CLNK: variants seen among roughly 807,000 people sequenced by gnomAD.
CLNK encodes the protein cytokine-dependent hematopoietic cell linker.
A neutral mutation model predicts 68.6 loss-of-function variants in CLNK; 74 were observed. The observed-to-expected ratio is 1.08, with a 90% CI of 0.89 to 1.31. The LOEUF (loss-of-function observed/expected upper bound fraction) is 1.31, where lower values mean the gene tolerates loss of function less well. CLNK is among the 50% of genes most tolerant of loss of function. The pLI is 0.00. For synonymous variants in CLNK, 198 were observed against 172.2 expected, an observed-to-expected ratio of 1.15 and a Z score of -1.17; for missense variants, 553 against 515.3, an observed-to-expected ratio of 1.07 and a Z score of -0.71.
At chr4:10,551,969 TCCC>T (rs1719481522) in intron 8 of CLNK, among the ~76,000 whole-genome samples, 1 of 151,906 alleles carries the variant, frequency 6.6e-6, no homozygotes, top group African/African-American at 2.4e-5. Context: ...TGCCTCATCC[TCCC>T]AAGTAGCTGG....
intron 16 of CLNK, among the ~76,000 whole-genome samples, chr4:10,511,220 A>G (rs1177912544): frequency 6.6e-6 from 1 of 152,116 alleles, no homozygotes; most frequent in African/African-American, 2.4e-5. Context: ...CCTAAAAAGT[A>G]TAAAACCAAG....
the CLNK span, among the ~76,000 whole-genome samples, chr4:10,728,914 T>A: frequency 1.3e-5 from 2 of 152,158 alleles, no homozygotes; most frequent in Admixed American, 6.5e-5. Context: ...CTTATATTTT[T>A]AGCATATACC....
At position 10,545,520 on chromosome 4, in the gene CLNK, T is replaced by C. The variant is rs576320245; in HGVS notation, c.446-3240A>G. Among the ~76,000 whole-genome samples, 3 of 152,138 alleles carry C rather than the reference T, an allele frequency of 2.0e-5. No homozygotes were observed. In the South Asian group the frequency reaches 6.2e-4, roughly 32 times the overall value. On this transcript the variant is annotated intron_variant, in intron 8 of 18. Transcript: ENST00000226951. ...GCTTAGTCCACCCAGCTCTCCCAGGTTGGCAATGCACACCAGTAGCTGTAC... is the reference window on the plus strand; with the variant it reads ...GCTTAGTCCACCCAGCTCTCCCAGGCTGGCAATGCACACCAGTAGCTGTAC...
rs755866213 is a variant in CLNK at position 10,528,106 on chromosome 4, TA to T, written c.631-13del. ...TCTGCTTCAAGGACCTGTATTGAAT[TA>T]AAAAAAATAAAATTTACTGACTCTT... is the stretch of plus-strand genomic sequence containing the variant. On this transcript the variant is annotated splice_polypyrimidine_tract_variant and intron_variant, in intron 12 of 18. Transcript: ENST00000226951. 1.7e-4 allele frequency: 217 copies of T among 1,272,106 alleles called. No homozygotes were observed. Among genetic ancestry groups the T allele is most frequent in the South Asian group, 4.8e-4 (22 of 45,876 alleles). 78.8% of individuals were successfully genotyped at this position (1,272,106 alleles called of 1,614,324 possible).
chr4:10,709,342 T>C, the CLNK span, among the ~76,000 whole-genome samples: 1 of 152,174 alleles, frequency 6.6e-6, no homozygotes. Flanking sequence ...GTACTCAGAG[T>C]GACTTTCTTG....
At chr4:10,680,358 G>A (rs541396963) in intron 1 of CLNK, among the ~76,000 whole-genome samples, 124 of 136,916 alleles carry the variant, frequency 9.1e-4, no homozygotes, top group Admixed American at 3.0e-3. Context: ...CACACACTGG[G>A]GCCTGTGGTG....
chr4:10,519,842 C>A (rs1399751469), intron 15 of CLNK, among the ~76,000 whole-genome samples: 1 of 151,516 alleles, frequency 6.6e-6, no homozygotes, highest in Non-Finnish European at 1.5e-5. Context: ...TGTGTGTGTG[C>A]AAATATTATA....
intron 2 of CLNK, among the ~76,000 whole-genome samples, chr4:10,666,281 C>G (rs1275311320): frequency 6.6e-6 from 1 of 152,188 alleles, no homozygotes; most frequent in Non-Finnish European, 1.5e-5. Context: ...TTAGAGCAGC[C>G]CAGGACACTA....
intron 11 of CLNK, 92 bp downstream of exon 11, chr4:10,540,402 C>T (rs1031279860): frequency 3.3e-6 from 3 of 897,796 alleles, no homozygotes; most frequent in African/African-American, 3.3e-5. Context: ...AGGGAGCCTG[C>T]TCTGAAAGGT....
chr4:10,540,618 C>T lies in CLNK; in HGVS notation c.492-14G>A, dbSNP rs373048496. On this transcript the variant is annotated splice_polypyrimidine_tract_variant and intron_variant, in intron 10 of 18. Transcript: ENST00000226951. ...GTTATGAGAGGCCTGTGTGGAGAGT[C>T]GCAGTAGGGTCCTGAGAAAGTTTGC... The T allele has an allele frequency of 3.2e-5, 51 of 1,588,438 alleles. No individual in the cohort carries two copies. The highest frequency in any genetic ancestry group is 2.2e-4 in the South Asian group (20 of 90,464).
intron 3 of CLNK, among the ~76,000 whole-genome samples, chr4:10,586,504 G>A (rs1577148227): frequency 6.6e-6 from 1 of 151,466 alleles, no homozygotes; most frequent in Non-Finnish European, 1.5e-5. Context: ...TAGTAGAGAC[G>A]GGGTTTCACC....
intron 5 of CLNK, among the ~76,000 whole-genome samples, chr4:10,567,758 A>G (rs1271522806): frequency 6.6e-6 from 1 of 152,230 alleles, no homozygotes; most frequent in Non-Finnish European, 1.5e-5. Context: ...TTAAAGTGGG[A>G]AAAGGATATG....
chr4:10,514,858 G>C (rs1318082605), intron 15 of CLNK, among the ~76,000 whole-genome samples: 1 of 152,032 alleles, frequency 6.6e-6, no homozygotes, highest in African/African-American at 2.4e-5. Context: ...CTACTCATCT[G>C]ACAAAGGGCT....
the CLNK span, among the ~76,000 whole-genome samples, chr4:10,723,157 A>G: frequency 6.6e-6 from 1 of 152,228 alleles, no homozygotes; most frequent in Non-Finnish European, 1.5e-5. Context: ...TACAGGCTAC[A>G]TGCAAATGAA....
intron 17 of CLNK, among the ~76,000 whole-genome samples, chr4:10,502,427 G>A (rs529676109): frequency 1.3e-5 from 2 of 152,132 alleles, no homozygotes; most frequent in South Asian, 4.1e-4. Context: ...CCCTAGACAC[G>A]TGGGGATTAT....
At chr4:10,610,107 AGTGCTGTGGCGC>A (rs1560240618) in intron 2 of CLNK, among the ~76,000 whole-genome samples, 1 of 117,344 alleles carries the variant, frequency 8.5e-6, no homozygotes, top group Non-Finnish European at 1.6e-5. Flanking sequence ...CCCAGGCGGG[AGTGCTGTGGCGC>A]GATCTCCGCT....
intron 6 of CLNK, 32 bp from the exon 7 acceptor site, chr4:10,564,809 C>T: frequency 8.0e-7 from 1 of 1,251,828 alleles, no homozygotes; most frequent in Non-Finnish European, 1.2e-6. Flanking sequence ...AAAGTCATAC[C>T]TTACGTGGAC....
intron 18 of CLNK, among the ~76,000 whole-genome samples, chr4:10,494,836 T>C (rs573972690): frequency 2.5e-4 from 38 of 152,212 alleles, no homozygotes; most frequent in Non-Finnish European, 3.8e-4. Context: ...TTAAAAAGAT[T>C]ATATTCAAGC....
At chr4:10,637,438 G>GTTTT (rs11396379) in intron 2 of CLNK, among the ~76,000 whole-genome samples, 22,245 of 123,624 alleles carry the variant, frequency 0.18, 2,381 homozygotes, top group Middle Eastern at 0.28. Flanking sequence ...AATAAAAAAA[G>GTTTT]TTTTTTTTTT....
Sources: gnomAD v4.1 joint callset for allele counts (sites outside exome capture counted in the v4.1 genomes callset) on GRCh38, gnomAD v4.1.1 for gene constraint, MANE v1.5 for transcripts, NCBI Gene and HGNC (gene_info 2026-07-23, HGNC 2026-07-21) for gene names.